SERINC1: variants seen among roughly 807,000 people sequenced by gnomAD.
SERINC1 encodes tumor differentially expressed protein 2.
In SERINC1, 38 loss-of-function variants were observed where a neutral mutation model predicts 52.9. The observed-to-expected ratio is 0.72, with a 90% CI of 0.55 to 0.94. SERINC1 has a LOEUF of 0.94. Among genes scored for constraint, SERINC1 ranks in the 40% least tolerant of loss-of-function variants. The probability of loss-of-function intolerance (pLI) is 0.00; values close to 1 mark genes in which losing one functional copy is unlikely to be tolerated. For synonymous variants in SERINC1, 198 were observed against 183.1 expected, an observed-to-expected ratio of 1.08 and a Z score of -0.66; for missense variants, 471 against 533.9, an observed-to-expected ratio of 0.88 and a Z score of 1.16.
At chr6:122,462,584 C>T (rs1305314604) in intron 1 of SERINC1, among the ~76,000 whole-genome samples, 3 of 151,990 alleles carry the variant, frequency 2.0e-5, no homozygotes, top group Non-Finnish European at 4.4e-5. Flanking sequence ...CCACTGCACT[C>T]GAGTCTGGAT....
intron 9 of SERINC1, 81 bp from the exon 10 acceptor site, chr6:122,445,260 A>C: frequency 7.3e-7 from 1 of 1,363,914 alleles, no homozygotes; most frequent in Non-Finnish European, 1.0e-6. Context: ...TCATTAATTC[A>C]GAAGCGTGCT....
chr6:122,456,615 G>C lies in SERINC1; in HGVS notation c.237C>G (p.Val79=), dbSNP rs201766889. Residue 79 remains valine (V), a synonymous_variant, in exon 3 of 10, where the codon GTC becomes GTG. Coordinates refer to ENST00000339697, the MANE Select transcript of SERINC1 (RefSeq NM_020755.4). Reference sequence around the variant, plus strand: ...TATAGCCAACCAAAATGTTACAAGGGACAACACCTTTCTCATTCTCACAAA... The same window carrying C: ...TATAGCCAACCAAAATGTTACAAGGCACAACACCTTTCTCATTCTCACAAA... ...PGFCENEKGV[V]PCNILVGYKA... is the part of the protein sequence containing the mutation. 42 of 1,605,828 alleles carry C rather than the reference G, an allele frequency of 2.6e-5. No individual in the cohort carries two copies. The highest frequency in any genetic ancestry group is 6.8e-6 in the Non-Finnish European group (8 of 1,177,052).
chr6:122,451,776 A>AAAAAAAAAAAT lies in SERINC1; in HGVS notation c.760-23_760-22insATTTTTTTTTT. ...ATTCCTACAAAAAAAAAAAAAAAAA[A>AAAAAAAAAAAT]ATATATATATATATATATAGCAACA... On this transcript the variant is annotated intron_variant, in intron 6 of 9. Coordinates refer to ENST00000339697, the MANE Select transcript of SERINC1 (RefSeq NM_020755.4). The AAAAAAAAAAAT allele has an allele frequency of 5.0e-4, 57 of 112,984 alleles. 1 individual carries two copies. Among genetic ancestry groups the AAAAAAAAAAAT allele is most frequent in the South Asian group, 1.9e-3 (3 of 1,580 alleles). The allele number at this position is 112,984 out of a possible 1,614,324, so 7.0% of individuals were successfully genotyped here.
chr6:122,450,786 G>C (rs946070147), intron 7 of SERINC1, among the ~76,000 whole-genome samples: 1 of 152,066 alleles, frequency 6.6e-6, no homozygotes, highest in Non-Finnish European at 1.5e-5. Flanking sequence ...CTACAGATAC[G>C]GTGGAAAGAG....
intron 1 of SERINC1, among the ~76,000 whole-genome samples, chr6:122,461,422 T>C (rs535401527): frequency 3.4e-5 from 5 of 149,192 alleles, no homozygotes; most frequent in Non-Finnish European, 7.4e-5. Context: ...TAGAATTTTG[T>C]ACGCATATTC....
At chr6:122,464,341 A>T (rs914665966) in intron 1 of SERINC1, among the ~76,000 whole-genome samples, 2 of 152,226 alleles carry the variant, frequency 1.3e-5, no homozygotes, top group Non-Finnish European at 2.9e-5. Flanking sequence ...ATCTAATATA[A>T]GAAAAATTCC....
intron 7 of SERINC1, 131 bp downstream of exon 7, chr6:122,451,533 A>G: frequency 3.0e-6 from 1 of 330,406 alleles, no homozygotes; most frequent in South Asian, 6.5e-5. Context: ...ATAATACATC[A>G]AAGATCAAAA....
chr6:122,446,872 A>G lies in SERINC1; in HGVS notation c.1128T>C (p.Asp376=). The change falls in exon 9 of 10, where the codon GAT becomes GAC. Residue 376 remains aspartate (D), a synonymous_variant. Transcript: ENST00000339697. ...EDGDDVHRAV[D]NERDGVTYSY... is the part of the protein sequence containing the mutation. ...TGTAAGTGACACCATCCCTTTCATT[A>G]TCTACAGCTCGGTGAACATCGTCCC... The G allele has an allele frequency of 1.2e-6, 2 of 1,613,974 alleles. No homozygotes were observed. Among genetic ancestry groups the G allele is most frequent in the Admixed American group, 1.7e-5 (1 of 60,028 alleles).
chr6:122,469,809 C>G (rs1243683724), intron 1 of SERINC1, among the ~76,000 whole-genome samples: 1 of 152,130 alleles, frequency 6.6e-6, no homozygotes, highest in Non-Finnish European at 1.5e-5. Context: ...CCATCCACCT[C>G]ATCCTCCCAA....
At position 122,452,023 on chromosome 6, in the gene SERINC1, C is replaced by T. The variant is rs112698020; in HGVS notation, c.624G>A (p.Leu208=). 65 of 1,569,596 alleles carry T rather than the reference C, an allele frequency of 4.1e-5. No homozygotes were observed. The highest frequency in any genetic ancestry group is 5.5e-5 in the Non-Finnish European group (64 of 1,159,594). The change falls in exon 6 of 10, where the codon CTG becomes CTA. Residue 208 remains leucine, a synonymous_variant. Transcript: ENST00000339697. The part of the protein sequence containing the change: ...LLSATALNYL[L]SLVAIVLFFV... ...AGAACAGGACGATAGCAACTAAAGACAGCAGATAATTCAGAGCTGTAGCTG... is the reference window on the plus strand; with the variant it reads ...AGAACAGGACGATAGCAACTAAAGATAGCAGATAATTCAGAGCTGTAGCTG...
chr6:122,468,894 T>C (rs1296539266), intron 1 of SERINC1, among the ~76,000 whole-genome samples: 12 of 151,962 alleles, frequency 7.9e-5, no homozygotes, highest in Admixed American at 7.9e-4. Context: ...GGCTCACCCA[T>C]TCAAAAAAAA....
intron 3 of SERINC1, among the ~76,000 whole-genome samples, chr6:122,454,899 C>T (rs1040748128): frequency 1.3e-5 from 2 of 152,198 alleles, no homozygotes; most frequent in African/African-American, 4.8e-5. Flanking sequence ...TTGTCAAAAA[C>T]ATGTTCATGC....
At chr6:122,446,707 TTTCACAAGAGAATCATAAAA>T in intron 9 of SERINC1, 47 bp downstream of exon 9, 1 of 1,057,798 alleles carries the variant, frequency 9.5e-7, no homozygotes, top group Non-Finnish European at 1.4e-6. Flanking sequence ...CACATCATGG[TTTCACAAGAGAATCATAAAA>T]TGCCATCAGA....
At chr6:122,468,473 A>G (rs1775222694) in intron 1 of SERINC1, among the ~76,000 whole-genome samples, 1 of 152,236 alleles carries the variant, frequency 6.6e-6, no homozygotes, top group Non-Finnish European at 1.5e-5. Flanking sequence ...ACTGCTATGG[A>G]AACACCTCCT....
intron 9 of SERINC1, among the ~76,000 whole-genome samples, chr6:122,445,689 T>G (rs1774779992): frequency 6.6e-6 from 1 of 151,494 alleles, no homozygotes; most frequent in African/African-American, 2.4e-5. Flanking sequence ...TTTGAGTTAA[T>G]GAAATATACC....
intron 9 of SERINC1, among the ~76,000 whole-genome samples, chr6:122,446,128 T>C (rs1774796031): frequency 6.6e-6 from 1 of 152,076 alleles, no homozygotes. Context: ...CATAGTTCAA[T>C]TTGAATCTTT....
intron 2 of SERINC1, among the ~76,000 whole-genome samples, chr6:122,457,054 T>C (rs1430935211): frequency 6.6e-6 from 1 of 152,176 alleles, no homozygotes; most frequent in Non-Finnish European, 1.5e-5. Flanking sequence ...CCTCCCACTC[T>C]TTCCAGTCCC....
chr6:122,463,925 T>C (rs1375757893), intron 1 of SERINC1, among the ~76,000 whole-genome samples: 1 of 152,166 alleles, frequency 6.6e-6, no homozygotes, highest in Non-Finnish European at 1.5e-5. Context: ...TTATTTGTAA[T>C]CATCAAAACC....
At position 122,456,565 on chromosome 6, in the gene SERINC1, C is replaced by G. The variant is rs1774999169; in HGVS notation, c.287G>C (p.Gly96Ala). The change falls in exon 3 of 10, where the codon GGT (glycine) becomes GCT (alanine). Residue 96 changes from glycine (G) to alanine (A), a missense_variant. Transcript: ENST00000339697. ...GAGAAGAAGATAGAACATAGCCAAACCAAAGCACAAACGATATACAGCTTT... is the reference window on the plus strand; with the variant it reads ...GAGAAGAAGATAGAACATAGCCAAAGCAAAGCACAAACGATATACAGCTTT... ...GYKAVYRLCFGLAMFYLLLSL... is the reference protein window; with the variant it reads ...GYKAVYRLCFALAMFYLLLSL... 4.3e-6 allele frequency: 7 copies of G among 1,612,802 alleles called. No individual in the cohort carries two copies. Among genetic ancestry groups the G allele is most frequent in the Non-Finnish European group, 5.9e-6 (7 of 1,179,288 alleles).
Sources: allele counts gnomAD v4.1 joint callset (sites outside exome capture counted in the v4.1 genomes callset), GRCh38; gene constraint gnomAD v4.1.1; transcripts MANE v1.5; gene names NCBI Gene and HGNC (gene_info 2026-07-23, HGNC 2026-07-21).